The following REV1 variants were observed in gnomAD, a reference collection of about 807,000 sequenced individuals.
The protein encoded by REV1 is translesion synthesis protein REV1.
Under a neutral mutation model 137.4 loss-of-function variants are expected in REV1, and 42 were observed. The ratio of observed to expected loss-of-function variants is 0.31; its 90% CI spans 0.24 to 0.40. The LOEUF is 0.40. Among genes scored for constraint, REV1 ranks in the 10% least tolerant of loss-of-function variants. The pLI is 1.00. For missense variants in REV1, 1,282 were observed against 1,490.1 expected (o/e 0.86, Z 2.30); for synonymous variants, 524 against 519.2 (o/e 1.01, Z -0.12).
chr2:99,486,065 C>CA (rs1415730000), intron 1 of REV1, among the ~76,000 whole-genome samples: 2 of 152,220 alleles, frequency 1.3e-5, no homozygotes, highest in African/African-American at 4.8e-5. Context: ...GTTGAGGCTG[C>CA]AGTGAGCCGT....
At chr2:99,424,093 T>C in intron 10 of REV1, 59 bp downstream of exon 10, 1 of 1,565,878 alleles carries the variant, frequency 6.4e-7, no homozygotes, top group South Asian at 1.2e-5. Flanking sequence ...TGAACTGTCT[T>C]TACTATTAGC....
intron 8 of REV1, 67 bp downstream of exon 8, chr2:99,434,265 T>C: frequency 1.0e-6 from 1 of 1,004,976 alleles, no homozygotes; most frequent in Non-Finnish European, 1.5e-6. Flanking sequence ...TTAACAACCA[T>C]GCCAAATAGC....
At chr2:99,416,490 C>T (rs770322086) in intron 12 of REV1, among the ~76,000 whole-genome samples, 1 of 152,180 alleles carries the variant, frequency 6.6e-6, no homozygotes, top group Non-Finnish European at 1.5e-5. Flanking sequence ...ATGAAAACCA[C>T]ATGAACCACT....
chr2:99,446,919 C>CT (rs748422540), intron 4 of REV1, among the ~76,000 whole-genome samples: 1 of 152,198 alleles, frequency 6.6e-6, no homozygotes, highest in Non-Finnish European at 1.5e-5. Flanking sequence ...GATAAAAACT[C>CT]TAGCTCTAGT....
chr2:99,408,839 T>A (rs1676702833), intron 14 of REV1, among the ~76,000 whole-genome samples: 1 of 152,266 alleles, frequency 6.6e-6, no homozygotes, highest in African/African-American at 2.4e-5. Context: ...GAAAGTTATT[T>A]CGTGTTTTGG....
intron 11 of REV1, among the ~76,000 whole-genome samples, chr2:99,420,103 T>C (rs1008460007): frequency 6.6e-6 from 1 of 152,198 alleles, no homozygotes; most frequent in African/African-American, 2.4e-5. Context: ...AAATTGTGCC[T>C]GACAATGGAA....
chr2:99,418,691 T>C, intron 12 of REV1, 137 bp downstream of exon 12: 1 of 657,960 alleles, frequency 1.5e-6, no homozygotes, highest in Non-Finnish European at 2.3e-6. Flanking sequence ...AAATTTTGTT[T>C]TTCATGGCAC....
At chr2:99,470,553 C>T (rs532670200) in intron 1 of REV1, among the ~76,000 whole-genome samples, 3 of 152,328 alleles carry the variant, frequency 2.0e-5, no homozygotes, top group Non-Finnish European at 4.4e-5. Flanking sequence ...ATATTTGCCC[C>T]GGCAAGCTTA....
chr2:99,410,889 GA>G, intron 13 of REV1, 22 bp from the exon 14 acceptor site: 1 of 1,565,660 alleles, frequency 6.4e-7, no homozygotes, highest in South Asian at 1.2e-5. Context: ...CAAACGTGGA[GA>G]AACTACCATT....
intron 3 of REV1, among the ~76,000 whole-genome samples, chr2:99,449,867 T>C (rs148955101): frequency 6.6e-6 from 1 of 152,302 alleles, no homozygotes; most frequent in East Asian, 1.9e-4. Flanking sequence ...TTAACAACTA[T>C]AAACCCATTT....
intron 7 of REV1, among the ~76,000 whole-genome samples, chr2:99,435,215 G>A (rs1278977285): frequency 1.3e-5 from 2 of 152,128 alleles, no homozygotes; most frequent in Non-Finnish European, 2.9e-5. Flanking sequence ...GTGCCATAGT[G>A]ATTCCTTATT....
At chr2:99,404,710 A>T in intron 17 of REV1, 33 bp from the exon 18 acceptor site, 1 of 1,481,300 alleles carries the variant, frequency 6.8e-7, no homozygotes, top group Non-Finnish European at 9.4e-7. Context: ...GTAGGAAGTT[A>T]AAGCATGCTC....
At chr2:99,440,218 C>T (rs1681304122) in intron 5 of REV1, among the ~76,000 whole-genome samples, 1 of 152,140 alleles carries the variant, frequency 6.6e-6, no homozygotes, top group Non-Finnish European at 1.5e-5. Context: ...GAAATGCATT[C>T]ACGAGAATCA....
chr2:99,417,275 G>C (rs1678029442), intron 12 of REV1, among the ~76,000 whole-genome samples: 1 of 152,074 alleles, frequency 6.6e-6, no homozygotes, highest in African/African-American at 2.4e-5. Context: ...GAGTAGCTGG[G>C]ACTACAGGCA....
chr2:99,425,205 G>A (rs183038712), intron 9 of REV1, among the ~76,000 whole-genome samples: 3 of 152,144 alleles, frequency 2.0e-5, no homozygotes, highest in Admixed American at 1.3e-4. Flanking sequence ...ACAAACAGTT[G>A]CCAATTACTC....
intron 1 of REV1, among the ~76,000 whole-genome samples, chr2:99,468,180 C>CAAAA (rs61160561): frequency 7.3e-6 from 1 of 137,010 alleles, no homozygotes. Context: ...AACTCCATCT[C>CAAAA]AAAAAAAAAA....
chr2:99,401,160 C>T lies in REV1; in HGVS notation c.*81G>A. 1.4e-6 allele frequency: 1 copy of T among 736,312 alleles called. No individual in the cohort carries two copies. The highest frequency in any genetic ancestry group is 2.3e-6 in the Non-Finnish European group (1 of 440,892). 45.6% of individuals were successfully genotyped at this position (736,312 alleles called of 1,614,324 possible). A position where few individuals can be genotyped will look rare whatever the true frequency, so the allele number is the denominator to read the frequency against. ...AATTTAAAATTATAAAAACTCCGAG[C>T]ATTACTATCATGCACTTTGCAAATA... On this transcript the variant is annotated 3_prime_UTR_variant, in exon 23 of 23. Coordinates refer to ENST00000258428, the MANE Select transcript of REV1 (RefSeq NM_016316.4).
chr2:99,417,124 C>T (rs922000619), intron 12 of REV1, among the ~76,000 whole-genome samples: 1 of 152,006 alleles, frequency 6.6e-6, no homozygotes, highest in African/African-American at 2.4e-5. Flanking sequence ...CAGTACTTCA[C>T]CATGTGACTG....
In REV1 at chr2:99,421,498, C is replaced by G. The variant is rs1168148887; in HGVS notation, c.1831+1G>C. The G allele has an allele frequency of 6.2e-7, 1 of 1,612,996 alleles. No homozygotes were observed. The highest frequency in any genetic ancestry group is 1.3e-5 in the African/African-American group (1 of 74,852). The stretch of plus-strand genomic sequence containing the variant: ...GAGTACAAGATAAGCTAGATACTAA[C>G]CAATTCCAACAGAGGCAGCACATTT... On this transcript the variant is annotated splice_donor_variant, in intron 11 of 22. Coordinates refer to ENST00000258428, the MANE Select transcript of REV1 (RefSeq NM_016316.4). LOFTEE classifies it high-confidence loss of function.
Sources: gnomAD v4.1 joint callset for allele counts (sites outside exome capture counted in the v4.1 genomes callset) on GRCh38, gnomAD v4.1.1 for gene constraint, MANE v1.5 for transcripts, NCBI Gene and HGNC (gene_info 2026-07-23, HGNC 2026-07-21) for gene names.